Variants in ZFHX3 observed in about 807,000 individuals in gnomAD.
ZFHX3 encodes the protein zinc finger homeobox protein 3.
In ZFHX3, 42 loss-of-function variants were observed where a neutral mutation model predicts 279.1. The observed-to-expected ratio is 0.15, with a 90% CI of 0.12 to 0.19. ZFHX3 has a LOEUF of 0.19. Ranked by LOEUF, ZFHX3 falls within the 10% of genes least tolerant of loss-of-function variation. ZFHX3 has a pLI of 1.00. For synonymous variants in ZFHX3, 2,293 were observed against 1,957.8 expected, an observed-to-expected ratio of 1.17 and a Z score of -4.52; for missense variants, 4,981 against 4,754.0, an observed-to-expected ratio of 1.05 and a Z score of -1.40.
chr16:72,875,196 T>C (rs1411376929), intron 4 of ZFHX3, among the ~76,000 whole-genome samples: 7 of 152,136 alleles, frequency 4.6e-5, no homozygotes, highest in East Asian at 1.9e-4. Context: ...GGAACTCCCA[T>C]AGGGAATTCC....
intron 4 of ZFHX3, 36 bp from the exon 5 acceptor site, chr16:72,829,895 T>C (rs781557841): frequency 2.5e-5 from 41 of 1,612,164 alleles, no homozygotes; most frequent in African/African-American, 4.0e-5. Context: ...GGGTTAAAAA[T>C]AAAAAGAAGA....
chr16:73,877,034 C>A (rs2029970848), intron 1 of ZFHX3, among the ~76,000 whole-genome samples: 1 of 148,458 alleles, frequency 6.7e-6, no homozygotes. Flanking sequence ...TTAATGATGA[C>A]TTTCAAAAAA....
Position 72,787,713 on chromosome 16 carries a change from G to A in ZFHX3, c.10563C>T (p.Gly3521=), listed in dbSNP as rs1249073893. 82 of 1,385,134 alleles carry A rather than the reference G, an allele frequency of 5.9e-5. 1 individual carries two copies. Among genetic ancestry groups the A allele is most frequent in the Middle Eastern group, 2.0e-4 (1 of 5,040 alleles). 85.8% of individuals were successfully genotyped at this position (1,385,134 alleles called of 1,614,324 possible). ...GGSGGGGGGG[G]GGGGGGSYHC... The stretch of plus-strand genomic sequence containing the variant: ...GGTACGAGCCGCCGCCGCCGCCGCC[G>A]CCGCCACCGCCGCCGCCGCCGCCAC... The change falls in exon 10 of 10, where the codon GGC becomes GGT. Residue 3521 remains glycine (G), a synonymous_variant. Transcript: ENST00000268489.
chr16:73,528,708 G>C (rs2019738159), intron 2 of ZFHX3, among the ~76,000 whole-genome samples: 1 of 152,212 alleles, frequency 6.6e-6, no homozygotes. Context: ...TAGTGACGAT[G>C]TGTTGGCCAT....
intron 5 of ZFHX3, among the ~76,000 whole-genome samples, chr16:73,207,792 G>A (rs1056716269): frequency 6.6e-6 from 1 of 152,176 alleles, no homozygotes; most frequent in South Asian, 2.1e-4. Context: ...GTAACAATAA[G>A]TAAGAGACAG....
At chr16:73,256,445 G>T (rs900027855) in intron 5 of ZFHX3, among the ~76,000 whole-genome samples, 1 of 152,146 alleles carries the variant, frequency 6.6e-6, no homozygotes, top group African/African-American at 2.4e-5. Flanking sequence ...TTACGATGGC[G>T]GTTCTCAAAT....
chr16:73,193,751 C>T (rs1968089436), intron 5 of ZFHX3, among the ~76,000 whole-genome samples: 1 of 152,142 alleles, frequency 6.6e-6, no homozygotes, highest in Non-Finnish European at 1.5e-5. Flanking sequence ...CTAACTCTGC[C>T]ACTTTCCCTC....
intron 2 of ZFHX3, among the ~76,000 whole-genome samples, chr16:73,560,834 A>C (rs2143788764): frequency 6.6e-6 from 1 of 152,340 alleles, no homozygotes; most frequent in Admixed American, 6.5e-5. Flanking sequence ...CTCAGGTCAA[A>C]GACAGGCCGA....
chr16:73,207,430 T>C (rs1368495419), intron 5 of ZFHX3, among the ~76,000 whole-genome samples: 1 of 152,238 alleles, frequency 6.6e-6, no homozygotes, highest in Admixed American at 6.5e-5. Flanking sequence ...CAACATTCTG[T>C]ATTTCTAGCC....
intron 1 of ZFHX3, among the ~76,000 whole-genome samples, chr16:73,779,567 A>T (rs541936456): frequency 6.6e-6 from 1 of 152,300 alleles, no homozygotes; most frequent in South Asian, 2.1e-4. Context: ...TTTAAGACCC[A>T]CAAAGATAGA....
intron 1 of ZFHX3, among the ~76,000 whole-genome samples, chr16:73,702,743 G>C (rs180886690): frequency 6.6e-6 from 1 of 152,140 alleles, no homozygotes; most frequent in East Asian, 1.9e-4. Context: ...AAATTCAATT[G>C]AATTTTCTAA....
chr16:72,937,154 A>G (rs1312634201), intron 3 of ZFHX3, among the ~76,000 whole-genome samples: 1 of 152,108 alleles, frequency 6.6e-6, no homozygotes, highest in African/African-American at 2.4e-5. Context: ...CAGACATTCG[A>G]ATGCAAATGC....
intron 1 of ZFHX3, among the ~76,000 whole-genome samples, chr16:72,971,533 C>A (rs1017926298): frequency 6.6e-6 from 1 of 152,142 alleles, no homozygotes; most frequent in South Asian, 2.1e-4. Context: ...GCCTCCCTTA[C>A]CACTCTAAAA....
intron 1 of ZFHX3, among the ~76,000 whole-genome samples, chr16:73,773,949 G>A (rs2054048690): frequency 1.3e-5 from 2 of 151,978 alleles, no homozygotes; most frequent in Admixed American, 6.6e-5. Flanking sequence ...ACTAACCTGG[G>A]CAACATAATG....
intron 3 of ZFHX3, among the ~76,000 whole-genome samples, chr16:73,391,694 C>T (rs1597314744): frequency 6.6e-6 from 1 of 152,066 alleles, no homozygotes; most frequent in African/African-American, 2.4e-5. Context: ...GGATGATGGA[C>T]AGGGAGGGAC....
intron 4 of ZFHX3, among the ~76,000 whole-genome samples, chr16:72,867,413 G>T (rs2038049153): frequency 6.6e-6 from 1 of 152,196 alleles, no homozygotes. Flanking sequence ...GATTTTATAA[G>T]TGTGTCCCCT....
chr16:72,845,983 G>T (rs905224297), intron 4 of ZFHX3, among the ~76,000 whole-genome samples: 2 of 152,162 alleles, frequency 1.3e-5, no homozygotes, highest in Non-Finnish European at 2.9e-5. Flanking sequence ...GCCTTCACAG[G>T]AGAACACACA....
intron 1 of ZFHX3, among the ~76,000 whole-genome samples, chr16:73,054,920 A>C (rs1965517477): frequency 6.6e-6 from 1 of 152,198 alleles, no homozygotes; most frequent in Non-Finnish European, 1.5e-5. Flanking sequence ...AAGGGGAAAA[A>C]AATACAGAAA....
intron 3 of ZFHX3, among the ~76,000 whole-genome samples, chr16:72,925,040 G>T (rs534393510): frequency 6.6e-6 from 1 of 152,184 alleles, no homozygotes; most frequent in South Asian, 2.1e-4. Flanking sequence ...GCCTTACAAC[G>T]GGGACACACA....
Sources: allele counts gnomAD v4.1 joint callset (sites outside exome capture counted in the v4.1 genomes callset), GRCh38; gene constraint gnomAD v4.1.1; transcripts MANE v1.5; gene names NCBI Gene and HGNC (gene_info 2026-07-23, HGNC 2026-07-21).